The following PDAP1 variants were observed in gnomAD, a reference collection of about 807,000 sequenced individuals.
The protein encoded by PDAP1 is PDGFA associated protein 1, also known as 28 kDa heat- and acid-stable phosphoprotein.
A neutral mutation model predicts 28.0 loss-of-function variants in PDAP1; 13 were observed. That is an observed-to-expected ratio of 0.46 (90% confidence interval 0.30 to 0.74). The LOEUF (loss-of-function observed/expected upper bound fraction) is 0.74, where lower values mean the gene tolerates loss of function less well. Ranked by LOEUF, PDAP1 falls within the 30% of genes least tolerant of loss-of-function variation. The pLI, the probability that PDAP1 is intolerant of heterozygous loss-of-function variation, is 0.07. For missense variants in PDAP1, 150 were observed against 230.0 expected (o/e 0.65, Z 2.25); for synonymous variants, 77 against 85.1 (o/e 0.91, Z 0.52).
chr7:99,396,785 C>T (rs767943910), intron 5 of PDAP1, 45 bp from the exon 6 acceptor site: 2 of 1,470,916 alleles, frequency 1.4e-6, no homozygotes, highest in Admixed American at 1.7e-5. Context: ...AGCAACCCCC[C>T]ACCCCCTCCC....
At chr7:99,408,416 G>A (rs1365979426) in intron 1 of PDAP1, 120 bp downstream of exon 1, 3 of 926,718 alleles carry the variant, frequency 3.2e-6, no homozygotes, top group African/African-American at 1.7e-5. Flanking sequence ...CTGGCTCTCA[G>A]CCGGTGCGGA....
chr7:99,398,069 T>G, intron 4 of PDAP1, 56 bp from the exon 5 acceptor site: 2 of 1,596,574 alleles, frequency 1.3e-6, no homozygotes, highest in Non-Finnish European at 1.7e-6. Flanking sequence ...TTTGCCAAAC[T>G]GGACGGGAGT....
intron 3 of PDAP1, chr7:99,403,171 A>C (rs1437950143): frequency 3.6e-6 from 2 of 560,614 alleles, no homozygotes; most frequent in East Asian, 3.0e-5. Flanking sequence ...TCACCACCAC[A>C]ACACTTTTCC....
intron 4 of PDAP1, among the ~76,000 whole-genome samples, chr7:99,398,752 C>G (rs1185818841): frequency 6.6e-6 from 1 of 152,144 alleles, no homozygotes; most frequent in African/African-American, 2.4e-5. Context: ...GAAGCAGCCA[C>G]AGGGCATAGG....
At chr7:99,405,234 C>T (rs1413916922) in intron 1 of PDAP1, among the ~76,000 whole-genome samples, 1 of 152,228 alleles carries the variant, frequency 6.6e-6, no homozygotes, top group Non-Finnish European at 1.5e-5. Flanking sequence ...TGACTTGCTA[C>T]ATCCCCTGGT....
intron 1 of PDAP1, among the ~76,000 whole-genome samples, chr7:99,405,523 CTTAT>C (rs1489905034): frequency 5.9e-5 from 9 of 152,218 alleles, no homozygotes; most frequent in South Asian, 4.1e-4. Flanking sequence ...CTATGCCCAG[CTTAT>C]TTATTTATTT....
At chr7:99,402,452 A>T (rs527916850) in intron 3 of PDAP1, among the ~76,000 whole-genome samples, 1 of 151,374 alleles carries the variant, frequency 6.6e-6, no homozygotes, top group Admixed American at 6.6e-5. Context: ...CAAAAAATTT[A>T]AAAATTAGGT....
chr7:99,405,953 C>T (rs1477933242), intron 1 of PDAP1, among the ~76,000 whole-genome samples: 4 of 152,176 alleles, frequency 2.6e-5, no homozygotes, highest in Admixed American at 1.3e-4. Flanking sequence ...ATAAGCACTA[C>T]AAAAATGTTC....
chr7:99,406,671 G>A, intron 1 of PDAP1: 1 of 934,182 alleles, frequency 1.1e-6, no homozygotes, highest in Non-Finnish European at 1.3e-6. Context: ...AAGGGTGGCT[G>A]TGGCCTCAAC....
In PDAP1 at chr7:99,405,474, C is replaced by G. The variant is rs887676333; in HGVS notation, c.14-521G>C. The stretch of plus-strand genomic sequence containing the variant: ...ACCCTGGTTGAAGTGATTCTCCTGC[C>G]TCAGCCTCCCGAGTAGCTGGGACTA... On this transcript the variant is annotated intron_variant, in intron 1 of 5. Transcript: ENST00000350498. Among the ~76,000 whole-genome samples the G allele has an allele frequency of 9.9e-5, 15 of 152,242 alleles. 1 individual carries two copies. Among genetic ancestry groups the G allele is most frequent in the East Asian group, 7.7e-4 (4 of 5,178 alleles).
intron 2 of PDAP1, among the ~76,000 whole-genome samples, chr7:99,404,010 A>C (rs545141636): frequency 1.3e-5 from 2 of 152,168 alleles, no homozygotes; most frequent in African/African-American, 4.8e-5. Context: ...CCCCAGAACA[A>C]CACCTCGGAA....
intron 2 of PDAP1, among the ~76,000 whole-genome samples, chr7:99,404,391 G>T (rs1794932558): frequency 6.6e-6 from 1 of 152,184 alleles, no homozygotes. Context: ...CTGGCTGGAG[G>T]TGAGGCATGA....
chr7:99,406,548 G>A, intron 1 of PDAP1: 5 of 984,526 alleles, frequency 5.1e-6, no homozygotes, highest in Non-Finnish European at 6.0e-6. Flanking sequence ...CAGTTAAAGT[G>A]TCAGTTTTAT....
In PDAP1 at chr7:99,396,512, C is replaced by G. The variant is rs1794765385; in HGVS notation, c.*170G>C. 4 of 539,202 alleles carry G rather than the reference C, an allele frequency of 7.4e-6. No homozygotes were observed. Among genetic ancestry groups the G allele is most frequent in the East Asian group, 3.9e-5 (1 of 25,664 alleles). 33.4% of individuals were successfully genotyped at this position (539,202 alleles called of 1,614,324 possible). A position where few individuals can be genotyped will look rare whatever the true frequency, so the allele number is the denominator to read the frequency against. ...GCTACCCCTCCCCCAGTCCCCCCCC[C>G]CATCCCCCAAACAATTTCTGTGCCA... On this transcript the variant is annotated 3_prime_UTR_variant, in exon 6 of 6. Coordinates refer to ENST00000350498, the MANE Select transcript of PDAP1 (RefSeq NM_014891.7).
intron 1 of PDAP1, among the ~76,000 whole-genome samples, chr7:99,408,228 C>T (rs1358233409): frequency 1.3e-5 from 2 of 152,092 alleles, no homozygotes; most frequent in African/African-American, 4.8e-5. Context: ...TCCTAGCCAG[C>T]CAAAGAGTGG....
chr7:99,407,761 T>C (rs2150909517), intron 1 of PDAP1, among the ~76,000 whole-genome samples: 1 of 152,202 alleles, frequency 6.6e-6, no homozygotes, highest in South Asian at 2.1e-4. Flanking sequence ...CTATCGATTC[T>C]AAAGGGGGAA....
At chr7:99,405,876 G>C (rs912755214) in intron 1 of PDAP1, among the ~76,000 whole-genome samples, 54 of 152,162 alleles carry the variant, frequency 3.5e-4, no homozygotes, top group African/African-American at 1.3e-3. Flanking sequence ...CTACCTTACA[G>C]GGTTGTCACA....
intron 3 of PDAP1, among the ~76,000 whole-genome samples, chr7:99,402,228 C>CAAAAA (rs765074891): frequency 2.1e-5 from 1 of 47,144 alleles, no homozygotes; most frequent in Non-Finnish European, 4.4e-5. Flanking sequence ...CTCCATCTCC[C>CAAAAA]AAAAAAAAAA....
At chr7:99,405,769 C>T (rs1013641561) in intron 1 of PDAP1, among the ~76,000 whole-genome samples, 8 of 152,170 alleles carry the variant, frequency 5.3e-5, no homozygotes, top group African/African-American at 1.9e-4. Context: ...CGAAACACCA[C>T]GAAGTTTAGA....
Sources: allele counts gnomAD v4.1 joint callset (sites outside exome capture counted in the v4.1 genomes callset), GRCh38; gene constraint gnomAD v4.1.1; transcripts MANE v1.5; gene names NCBI Gene and HGNC (gene_info 2026-07-23, HGNC 2026-07-21).